The following FANCD2 variants were observed in gnomAD, a reference collection of about 807,000 sequenced individuals.
FANCD2 encodes Fanconi anemia group D2 protein.
A neutral mutation model predicts 192.3 loss-of-function variants in FANCD2; 131 were observed. That is an observed-to-expected ratio of 0.68 (90% CI 0.59 to 0.79). The LOEUF (loss-of-function observed/expected upper bound fraction) is 0.79. Ranked by LOEUF, FANCD2 falls within the 30% of genes least tolerant of loss-of-function variation. The pLI is 0.00. For synonymous variants in FANCD2, 524 were observed against 612.5 expected (o/e 0.86, Z 2.13); for missense variants, 1,508 against 1,701.6 (o/e 0.89, Z 2.00).
At chr3:10,076,523 T>A (rs1300297409) in intron 29 of FANCD2, among the ~76,000 whole-genome samples, 2 of 152,186 alleles carry the variant, frequency 1.3e-5, no homozygotes, top group Admixed American at 6.5e-5. Context: ...TTATATGAGA[T>A]GGGTGCAGTT....
chr3:10,074,916 TTACTAC>T lies in FANCD2; in HGVS notation c.2859+258_2859+263del, dbSNP rs113253588. Among the ~76,000 whole-genome samples, 1,918 of 151,780 alleles carry T rather than the reference TTACTAC, an allele frequency of 0.013. 35 individuals carry two copies. Among genetic ancestry groups the T allele is most frequent in the African/African-American group, 0.043 (1,766 of 41,326 alleles). ...CAATGATGTAATCCTTACATTTAGG[TTACTAC>T]TACTACTACTACTAATAAGCTACCT... On this transcript the variant is annotated intron_variant, in intron 29 of 43. Coordinates refer to ENST00000675286, the MANE Select transcript of FANCD2 (RefSeq NM_001018115.3).
At position 10,039,274 on chromosome 3, in the gene FANCD2, T is replaced by C; in HGVS notation, c.492-5T>C. The stretch of plus-strand genomic sequence containing the variant: ...GTTCCCTGTTTTCTCTTCCTAACAT[T>C]TTAGCAAGAACAGTGATGAAATCAA... On this transcript the variant is annotated splice_region_variant and splice_polypyrimidine_tract_variant and intron_variant, in intron 7 of 43. Coordinates refer to ENST00000675286, the MANE Select transcript of FANCD2 (RefSeq NM_001018115.3). The C allele has an allele frequency of 6.2e-7, 1 of 1,610,156 alleles. No homozygotes were observed. Among genetic ancestry groups the C allele is most frequent in the Non-Finnish European group, 8.5e-7 (1 of 1,176,776 alleles).
intron 1 of FANCD2, chr3:10,026,674 C>T (rs1245798544): frequency 6.6e-6 from 1 of 152,576 alleles, no homozygotes; most frequent in East Asian, 1.9e-4. Flanking sequence ...GGCTTTTACC[C>T]TCACCCGCTT....
chr3:10,038,579 C>CTTTTTT lies in FANCD2; in HGVS notation c.492-687_492-682dup, dbSNP rs573306335. On this transcript the variant is annotated intron_variant, in intron 7 of 43. Transcript: ENST00000675286. ...ATGTTCCCTTAGCAATATATGCTTG[C>CTTTTTT]TTTTTTTTTTTTTTTTTTGAGACAG... 1.0e-3 allele frequency among the ~76,000 whole-genome samples: 129 copies of CTTTTTT among 128,936 alleles called. 1 individual carries two copies. Among genetic ancestry groups the CTTTTTT allele is most frequent in the African/African-American group, 3.9e-3 (125 of 32,412 alleles). 84.6% of individuals were successfully genotyped at this position (128,936 alleles called of 152,430 possible).
intron 18 of FANCD2, among the ~76,000 whole-genome samples, chr3:10,054,856 A>T (rs187290625): frequency 2.2e-3 from 336 of 152,002 alleles, no homozygotes; most frequent in African/African-American, 7.8e-3. Context: ...TTTTAATTAA[A>T]AAAAAAACTT....
At chr3:10,087,663 T>A (rs1438497494) in intron 34 of FANCD2, among the ~76,000 whole-genome samples, 1 of 152,202 alleles carries the variant, frequency 6.6e-6, no homozygotes, top group African/African-American at 2.4e-5. Flanking sequence ...TTTCTTTTTT[T>A]TTGAGACAGA....
intron 9 of FANCD2, chr3:10,040,143 T>C (rs2086830376): frequency 4.9e-6 from 2 of 405,488 alleles, no homozygotes; most frequent in Non-Finnish European, 8.9e-6. Flanking sequence ...CACCCCATTC[T>C]CCTGCCTCAG....
intron 17 of FANCD2, among the ~76,000 whole-genome samples, chr3:10,051,211 T>C (rs550863750): frequency 3.4e-5 from 5 of 148,742 alleles, no homozygotes; most frequent in African/African-American, 1.3e-4. Flanking sequence ...AAACCCCGTC[T>C]CTACTAAAAA....
chr3:10,032,726 T>C (rs908811955), intron 2 of FANCD2, 106 bp from the exon 3 acceptor site: 12 of 976,390 alleles, frequency 1.2e-5, no homozygotes, highest in East Asian at 9.6e-5. Context: ...CCTAGTATAA[T>C]TTTTAAGGAC....
chr3:10,090,294 A>G lies in FANCD2; in HGVS notation c.3686A>G (p.His1229Arg). ...SSSTFPTLTR[H>R]TFVVFFRVMM... ...CGCATGCTTTTCCCGTCTTCTAGGC[A>G]TACTTTTGTTGTTTTCTTCCGTGTG... is the stretch of plus-strand genomic sequence containing the variant. Residue 1229 changes from histidine (H) to arginine (R), a missense_variant and splice_region_variant, in exon 37 of 44, where the codon CAT becomes CGT. By Grantham distance (29) the His-to-Arg change is conservative. Transcript: ENST00000675286. The G allele has an allele frequency of 6.2e-7, 1 of 1,612,842 alleles. No homozygotes were observed.
intron 26 of FANCD2, among the ~76,000 whole-genome samples, chr3:10,069,743 C>T (rs1050778989): frequency 8.5e-5 from 13 of 152,178 alleles, no homozygotes; most frequent in African/African-American, 2.9e-4. Context: ...GGATTGCAGA[C>T]GGAGTCTGGT....
At chr3:10,032,152 T>TGCATTTTAATAA (rs2086619393) in intron 2 of FANCD2, 1 of 215,580 alleles carries the variant, frequency 4.6e-6, no homozygotes, top group Admixed American at 5.8e-5. Context: ...GTCGGAAATA[T>TGCATTTTAATAA]GCATTTTAAT....
chr3:10,029,846 C>A (rs1003297502), intron 2 of FANCD2, among the ~76,000 whole-genome samples: 4 of 152,148 alleles, frequency 2.6e-5, no homozygotes, highest in African/African-American at 9.7e-5. Flanking sequence ...TGCAGTGGCA[C>A]AATCTCGGCT....
At position 10,090,270 on chromosome 3, in the gene FANCD2, G is replaced by A. The variant is rs115247173; in HGVS notation, c.3684-22G>A. The A allele has an allele frequency of 1.7e-3, 2,607 of 1,564,152 alleles. 40 individuals carry two copies. In the African/African-American group the frequency reaches 0.03, roughly 18 times the overall value. Reference sequence around the variant, plus strand: ...AAGCAGTGCATCATGGTGTGGGCACGCATGCTTTTCCCGTCTTCTAGGCAT... The same window carrying A: ...AAGCAGTGCATCATGGTGTGGGCACACATGCTTTTCCCGTCTTCTAGGCAT... On this transcript the variant is annotated intron_variant, in intron 36 of 43. Coordinates refer to ENST00000675286, the MANE Select transcript of FANCD2 (RefSeq NM_001018115.3).
At chr3:10,066,442 A>G (rs915815569) in intron 25 of FANCD2, among the ~76,000 whole-genome samples, 1 of 152,174 alleles carries the variant, frequency 6.6e-6, no homozygotes, top group African/African-American at 2.4e-5. Flanking sequence ...TTTGATTACC[A>G]CATCTCTATT....
Position 10,090,332 on chromosome 3 carries a change from C to G in FANCD2, c.3724C>G (p.Leu1242Val). The change falls in exon 37 of 44, where the codon CTA (leucine) becomes GTA (valine). Residue 1242 changes from leucine to valine, a missense_variant. Transcript: ENST00000675286. ...TTTCTTCCGTGTGATGATGGCTGAA[C>G]TAGAGAAGACGGTGAAAAAAATTGA... is the stretch of plus-strand genomic sequence containing the variant. ...VVFFRVMMAE[L>V]EKTVKKIEPG... 1.9e-6 allele frequency: 3 copies of G among 1,611,356 alleles called. No individual in the cohort carries two copies. The highest frequency in any genetic ancestry group is 2.5e-6 in the Non-Finnish European group (3 of 1,178,878).
chr3:10,081,418 T>G lies in FANCD2; in HGVS notation c.3178T>G (p.Ser1060Ala). The G allele has an allele frequency of 1.9e-6, 3 of 1,614,170 alleles. No individual in the cohort carries two copies. The highest frequency in any genetic ancestry group is 2.5e-6 in the Non-Finnish European group (3 of 1,180,002). Reference sequence around the variant, plus strand: ...AGTTCAGGAGTACCACATAATGTCTTCCTGCTATCAGAGGCTGCTGCAGAT... The same window carrying G: ...AGTTCAGGAGTACCACATAATGTCTGCCTGCTATCAGAGGCTGCTGCAGAT... ...VKVQEYHIMS[S>A]CYQRLLQIFH... The change falls in exon 32 of 44, where the codon TCC (serine) becomes GCC (alanine). Residue 1060 changes from serine (S) to alanine (A), a missense_variant. Ser to Ala is a moderately conservative substitution (Grantham distance 99, BLOSUM62 1). This residue lies in a region of FANCD2 where 796 missense variants were observed against 879.4 expected (regional missense o/e 0.91). Transcript: ENST00000675286.
Position 10,098,795 on chromosome 3 carries a change from T to TC in FANCD2, c.4263dup (p.Lys1422GlnfsTer6). ...TGAGGATGACATGTCATCCCAGGCC[T>TC]CCAAGAGCAAAGCCACTGAGGTATC... is the stretch of plus-strand genomic sequence containing the variant. On this transcript the variant is annotated frameshift_variant, in exon 43 of 44. Coordinates refer to ENST00000675286, the MANE Select transcript of FANCD2 (RefSeq NM_001018115.3). LOFTEE classifies it high-confidence loss of function. 1 of 1,614,158 alleles carries TC rather than the reference T, an allele frequency of 6.2e-7. No homozygotes were observed. Among genetic ancestry groups the TC allele is most frequent in the Non-Finnish European group, 8.5e-7 (1 of 1,180,026 alleles).
chr3:10,079,004 G>C (rs1438426290), intron 30 of FANCD2, among the ~76,000 whole-genome samples: 1 of 151,910 alleles, frequency 6.6e-6, no homozygotes. Flanking sequence ...ACGTTGGAAG[G>C]CCGAGGCAGG....
Sources: gnomAD v4.1 joint callset for allele counts (sites outside exome capture counted in the v4.1 genomes callset) on GRCh38, gnomAD v4.1.1 for gene constraint, gnomAD v4.1.1 regional missense constraint, MANE v1.5 for transcripts, NCBI Gene and HGNC (gene_info 2026-07-23, HGNC 2026-07-21) for gene names.